ITGB4: variants seen among roughly 807,000 people sequenced by gnomAD.
The protein encoded by ITGB4 is integrin beta-4.
ITGB4 carries 159 observed loss-of-function variants against 207.6 expected under a neutral mutation model. That is an observed-to-expected ratio of 0.77 (90% CI 0.67 to 0.87). ITGB4 has a LOEUF of 0.87. Ranked by LOEUF, ITGB4 falls within the 40% of genes least tolerant of loss-of-function variation. The probability of loss-of-function intolerance (pLI) is 0.00; values close to 1 mark genes in which losing one functional copy is unlikely to be tolerated. For missense variants in ITGB4, 2,278 were observed against 2,546.8 expected (o/e 0.89, Z 2.27); for synonymous variants, 1,020 against 1,062.7 (o/e 0.96, Z 0.78).
At chr17:75,730,530 G>A (rs757154627) in intron 8 of ITGB4, 26 bp downstream of exon 8, 2 of 1,612,896 alleles carry the variant, frequency 1.2e-6, no homozygotes, top group Non-Finnish European at 1.7e-6. Flanking sequence ...CCCACGGGTG[G>A]GAGGTGGTCA....
At chr17:75,734,474 T>G (rs773676393) in intron 13 of ITGB4, among the ~76,000 whole-genome samples, 1 of 152,060 alleles carries the variant, frequency 6.6e-6, no homozygotes. Flanking sequence ...AATTTCTACC[T>G]GGAAGGCCTG....
intron 34 of ITGB4, chr17:75,755,078 G>A (rs573432171): frequency 6.9e-6 from 11 of 1,600,052 alleles, no homozygotes; most frequent in African/African-American, 6.7e-5. Context: ...CTGGGAACAC[G>A]GGAGGAGCAG....
Position 75,730,312 on chromosome 17 carries a change from G to A in ITGB4, c.810G>A (p.Glu270=). Residue 270 remains glutamate, a synonymous_variant, in exon 8 of 40, where the codon GAG becomes GAA. Coordinates refer to ENST00000200181, the MANE Select transcript of ITGB4 (RefSeq NM_000213.5). ...CCACCGAGTCAGCCTTCCACTATGA[G>A]GCTGATGGCGCCAACGTGCTGGCTG... ...VFSTESAFHY[E]ADGANVLAGI... 1.9e-6 allele frequency: 3 copies of A among 1,613,736 alleles called. No individual in the cohort carries two copies. Among genetic ancestry groups the A allele is most frequent in the Non-Finnish European group, 2.5e-6 (3 of 1,180,034 alleles).
chr17:75,723,103 G>A (rs879216058), intron 1 of ITGB4, among the ~76,000 whole-genome samples: 1 of 152,192 alleles, frequency 6.6e-6, no homozygotes. Context: ...TAGCTTCTGC[G>A]TGGAGGCTGC....
chr17:75,752,384 C>T, intron 31 of ITGB4, 28 bp downstream of exon 31: 2 of 1,612,548 alleles, frequency 1.2e-6, no homozygotes, highest in African/African-American at 2.7e-5. Context: ...AGGTGAGGGG[C>T]AGACCGGGCA....
At chr17:75,747,956 G>GGCT (rs1173204268) in intron 26 of ITGB4, among the ~76,000 whole-genome samples, 2 of 152,156 alleles carry the variant, frequency 1.3e-5, no homozygotes, top group African/African-American at 2.4e-5. Flanking sequence ...CCATCGCCCT[G>GGCT]GCTGCTGCGC....
In ITGB4 at chr17:75,727,573, T is replaced by C; in HGVS notation, c.264+68T>C. ...CCTGGCTATTTATGGGGGTGTATAG[T>C]GCCCCTTGGCCGGGCTGGGCCCCCA... On this transcript the variant is annotated intron_variant, in intron 4 of 39. Transcript: ENST00000200181. This position sits in a 1 kb window ranked among gnomAD's most constrained non-coding sequence, Gnocchi z 6.0. The C allele has an allele frequency of 2.5e-6, 4 of 1,589,542 alleles. No individual in the cohort carries two copies. The South Asian group carries it at 3.4e-5, about 13-fold the overall frequency.
In ITGB4 at chr17:75,733,687, G is replaced by A. The variant is rs1325829133; in HGVS notation, c.1652G>A (p.Cys551Tyr). ...FQCPRTSGFL[C>Y]NDRGRCSMGQ... is the part of the protein sequence containing the mutation. ...TGTCCCCGCACTTCCGGGTTCCTCT[G>A]CAATGGTGAGCACAACAACTGCGGC... The change falls in exon 13 of 40, where the codon TGC (cysteine) becomes TAC (tyrosine). Residue 551 changes from cysteine (C) to tyrosine (Y), a missense_variant. Physicochemically the swap from Cys to Tyr is radical, Grantham distance 194. Transcript: ENST00000200181. The A allele has an allele frequency of 6.2e-7, 1 of 1,613,882 alleles. No homozygotes were observed. Among genetic ancestry groups the A allele is most frequent in the Non-Finnish European group, 8.5e-7 (1 of 1,179,988 alleles).
At position 75,739,701 on chromosome 17, in the gene ITGB4, C is replaced by T; in HGVS notation, c.2250C>T (p.Asn750=). The T allele has an allele frequency of 6.2e-7, 1 of 1,614,144 alleles. No individual in the cohort carries two copies. Among genetic ancestry groups the T allele is most frequent in the East Asian group, 2.2e-5 (1 of 44,880 alleles). The change falls in exon 19 of 40, where the codon AAC becomes AAT. Residue 750 remains asparagine (N), a synonymous_variant. Transcript: ENST00000200181. This position sits in a 1 kb window ranked among gnomAD's most constrained non-coding sequence, Gnocchi z 5.4. ...KACLALLPCC[N]RGHMVGFKED... ...GCCTGGCACTTCTCCCGTGCTGCAACCGAGGTATGGGCCTGGCATCGCAGG... is the reference window on the plus strand; with the variant it reads ...GCCTGGCACTTCTCCCGTGCTGCAATCGAGGTATGGGCCTGGCATCGCAGG...
chr17:75,732,338 C>T lies in ITGB4; in HGVS notation c.1454+99C>T, dbSNP rs1278895406. The T allele has an allele frequency of 8.4e-7, 1 of 1,190,652 alleles. No homozygotes were observed. The highest frequency in any genetic ancestry group is 1.5e-5 in the African/African-American group (1 of 66,768). The allele number at this position is 1,190,652 out of a possible 1,614,324, so 73.8% of individuals were successfully genotyped here. ...CTGGCCCTGGGTGCACCTTGTACAC[C>T]TGGCTGGGGGTGGGGCGGCAATCAA... On this transcript the variant is annotated intron_variant, in intron 12 of 39. Transcript: ENST00000200181. The surrounding 1 kb of genome is among the most constrained non-coding windows in gnomAD (Gnocchi z 5.3).
chr17:75,752,957 C>T (rs2061402130), intron 32 of ITGB4, among the ~76,000 whole-genome samples: 1 of 152,216 alleles, frequency 6.6e-6, no homozygotes, highest in Non-Finnish European at 1.5e-5. Flanking sequence ...GCCAAGGAGA[C>T]AAGAACACCC....
intron 26 of ITGB4, among the ~76,000 whole-genome samples, chr17:75,748,293 T>C (rs1175112645): frequency 6.8e-6 from 1 of 147,882 alleles, no homozygotes; most frequent in African/African-American, 2.5e-5. Context: ...GCCCAGGAGG[T>C]CAAGGCTTCA....
chr17:75,745,848 C>T (rs1403943310), intron 26 of ITGB4, among the ~76,000 whole-genome samples: 1 of 151,996 alleles, frequency 6.6e-6, no homozygotes, highest in Non-Finnish European at 1.5e-5. Flanking sequence ...CACTGCACTA[C>T]AGCTTGAGCG....
chr17:75,733,110 C>T (rs1366752152), intron 12 of ITGB4, among the ~76,000 whole-genome samples: 1 of 148,028 alleles, frequency 6.8e-6, no homozygotes, highest in Non-Finnish European at 1.5e-5. Flanking sequence ...TAAAATAGGC[C>T]AGGCGCGGTG....
intron 35 of ITGB4, 111 bp downstream of exon 35, chr17:75,755,961 G>A (rs544324337): frequency 2.0e-5 from 26 of 1,320,790 alleles, no homozygotes; most frequent in Middle Eastern, 2.5e-4. Context: ...TCCCTTGAGC[G>A]CTAAAGCCCC....
rs757865120 is a variant in ITGB4, at chr17:75,750,276, G to A, written c.3474+8G>A. The A allele has an allele frequency of 1.9e-5, 30 of 1,604,044 alleles. No individual in the cohort carries two copies. The highest frequency in any genetic ancestry group is 3.3e-5 in the South Asian group (3 of 90,508). ...AAGCCAATGGGGTACAGGGTAAGGC[G>A]GGGGGCTGAGGGTCACGACAGGTGG... On this transcript the variant is annotated splice_region_variant and intron_variant, in intron 28 of 39. Transcript: ENST00000200181. The surrounding 1 kb of genome is among the most constrained non-coding windows in gnomAD (Gnocchi z 5.5).
At chr17:75,752,779 A>G (rs2061398404) in intron 32 of ITGB4, among the ~76,000 whole-genome samples, 2 of 152,196 alleles carry the variant, frequency 1.3e-5, no homozygotes, top group South Asian at 4.1e-4. Context: ...AGCCTTGTGC[A>G]AGCGCACATG....
intron 26 of ITGB4, 59 bp from the exon 27 acceptor site, chr17:75,748,782 C>A: frequency 7.5e-7 from 1 of 1,329,806 alleles, no homozygotes; most frequent in Non-Finnish European, 1.1e-6. Context: ...GAGCGTGTGG[C>A]CATGACTCTT....
At chr17:75,755,052 T>G (rs770892811) in intron 34 of ITGB4, 1 of 1,595,550 alleles carries the variant, frequency 6.3e-7, no homozygotes, top group Non-Finnish European at 8.5e-7. Context: ...TGTCCTGCCC[T>G]AGGCCTCCCT....
Sources: allele counts gnomAD v4.1 joint callset (sites outside exome capture counted in the v4.1 genomes callset), GRCh38; gene constraint gnomAD v4.1.1; non-coding constraint Gnocchi (gnomAD v3.1); transcripts MANE v1.5; gene names NCBI Gene and HGNC (gene_info 2026-07-23, HGNC 2026-07-21).